ZNF385D: variants seen among roughly 807,000 people sequenced by gnomAD.
ZNF385D encodes the protein zinc finger protein 659.
In ZNF385D, 15 loss-of-function variants were observed where a neutral mutation model predicts 35.8. That is an observed-to-expected ratio of 0.42 (90% CI 0.28 to 0.64). The LOEUF (loss-of-function observed/expected upper bound fraction) is 0.64, where lower values mean the gene tolerates loss of function less well. Ranked by LOEUF, ZNF385D falls within the 30% of genes least tolerant of loss-of-function variation. ZNF385D has a pLI of 0.23. For missense variants in ZNF385D, 474 were observed against 494.6 expected, an observed-to-expected ratio of 0.96 and a Z score of 0.39; for synonymous variants, 212 against 186.8, an observed-to-expected ratio of 1.13 and a Z score of -1.10.
intron 2 of ZNF385D, among the ~76,000 whole-genome samples, chr3:22,288,299 G>C (rs964700329): frequency 2.0e-5 from 3 of 151,700 alleles, no homozygotes; most frequent in African/African-American, 4.8e-5. Flanking sequence ...TCTCAGTCTT[G>C]GCAAGTATTA....
At chr3:22,201,256 C>A (rs138512760) in intron 2 of ZNF385D, among the ~76,000 whole-genome samples, 1 of 152,084 alleles carries the variant, frequency 6.6e-6, no homozygotes, top group African/African-American at 2.4e-5. Flanking sequence ...TGGCTTCAGC[C>A]GGTCCCTTCA....
Position 21,437,327 on chromosome 3 carries a change from G to C in ZNF385D, c.440-124C>G, listed in dbSNP as rs1701606552. 3 of 873,308 alleles carry C rather than the reference G, an allele frequency of 3.4e-6. No individual in the cohort carries two copies. In the South Asian group the frequency reaches 6.3e-5, roughly 18 times the overall value. 54.1% of individuals were successfully genotyped at this position (873,308 alleles called of 1,614,324 possible). ...TAAGAGCAGCTAGCAATTGCTGTTT[G>C]TCAAGGATGCATCAATCACCTCACA... On this transcript the variant is annotated intron_variant, in intron 4 of 7. Transcript: ENST00000281523.
In ZNF385D at chr3:22,359,443, G is replaced by A. The variant is rs147178410; in HGVS notation, c.106+13007C>T. Among the ~76,000 whole-genome samples the A allele has an allele frequency of 4.6e-5, 7 of 151,910 alleles. No individual in the cohort carries two copies. The East Asian group carries it at 1.2e-3, about 25-fold the overall frequency. ...ATTTTCAGAGGCTCTACTACCTTGG[G>A]CATATTGATAGAACTTAGGACTGGT... On this transcript the variant is annotated intron_variant, in intron 2 of 5. Transcript: ENST00000494108.
intron 2 of ZNF385D, among the ~76,000 whole-genome samples, chr3:22,182,029 C>T (rs901502931): frequency 2.0e-5 from 3 of 152,084 alleles, no homozygotes; most frequent in Non-Finnish European, 4.4e-5. Flanking sequence ...CCCAGTTGAA[C>T]GATAGATGAA....
At chr3:22,175,331 G>C (rs560861342) in intron 2 of ZNF385D, among the ~76,000 whole-genome samples, 207 of 151,948 alleles carry the variant, frequency 1.4e-3, no homozygotes, top group African/African-American at 4.9e-3. Context: ...AAAGTAAAAA[G>C]AGAAAAATAC....
intron 3 of ZNF385D, among the ~76,000 whole-genome samples, chr3:21,976,171 T>A (rs906244478): frequency 6.6e-6 from 1 of 152,152 alleles, no homozygotes; most frequent in East Asian, 1.9e-4. Context: ...GATATACCTC[T>A]TCTTGGCCTG....
chr3:21,676,418 C>T (rs2066731798), intron 1 of ZNF385D, among the ~76,000 whole-genome samples: 1 of 152,032 alleles, frequency 6.6e-6, no homozygotes, highest in South Asian at 2.1e-4. Flanking sequence ...AATTCTGAAA[C>T]ATTTAGTCTT....
chr3:21,842,689 C>T (rs949876640), intron 3 of ZNF385D, among the ~76,000 whole-genome samples: 3 of 152,038 alleles, frequency 2.0e-5, no homozygotes, highest in African/African-American at 4.8e-5. Flanking sequence ...TTTCTTATTT[C>T]ATTCAGTGAT....
At chr3:21,699,188 G>A (rs1247675099) in intron 1 of ZNF385D, among the ~76,000 whole-genome samples, 2 of 152,174 alleles carry the variant, frequency 1.3e-5, no homozygotes, top group Non-Finnish European at 2.9e-5. Flanking sequence ...GTCCTTTGCA[G>A]GGACGTGGAT....
At chr3:22,312,564 CAAAT>C (rs1437412869) in intron 2 of ZNF385D, among the ~76,000 whole-genome samples, 5 of 151,872 alleles carry the variant, frequency 3.3e-5, no homozygotes, top group African/African-American at 1.2e-4. Context: ...AAGAAAAAAA[CAAAT>C]AACCCCATCA....
chr3:21,963,619 G>T (rs933377607), intron 3 of ZNF385D, among the ~76,000 whole-genome samples: 2 of 152,160 alleles, frequency 1.3e-5, no homozygotes, highest in African/African-American at 4.8e-5. Flanking sequence ...GCTGGTGGTT[G>T]ACAGTTTCTC....
chr3:21,436,563 G>T (rs1391007380), intron 5 of ZNF385D, among the ~76,000 whole-genome samples: 1 of 151,868 alleles, frequency 6.6e-6, no homozygotes, highest in African/African-American at 2.4e-5. Flanking sequence ...AAAATAGAGG[G>T]GTTTTAACCA....
At chr3:22,133,880 G>A (rs1233929451) in intron 3 of ZNF385D, 1 of 151,790 alleles carries the variant, frequency 6.6e-6, no homozygotes, top group East Asian at 1.9e-4. Context: ...CTAAGTGAAG[G>A]GATAATTGTG....
In ZNF385D at chr3:21,479,717, G is replaced by A. The variant is rs141323577; in HGVS notation, c.439+31144C>T. Among the ~76,000 whole-genome samples the A allele has an allele frequency of 3.7e-3, 567 of 152,074 alleles. 2 individuals are homozygous for A. Among genetic ancestry groups the A allele is most frequent in the Middle Eastern group, 0.01 (3 of 294 alleles). ...AATGAAAGGCTACTTTGCAATTATC[G>A]CTAATTCTACATTTACCTGCCTCTA... On this transcript the variant is annotated intron_variant, in intron 4 of 7. Transcript: ENST00000281523.
intron 3 of ZNF385D, among the ~76,000 whole-genome samples, chr3:22,068,657 A>G (rs2125557719): frequency 6.6e-6 from 1 of 152,242 alleles, no homozygotes; most frequent in East Asian, 1.9e-4. Flanking sequence ...CTTCTTTTCC[A>G]CATTTCCTCT....
At chr3:21,972,606 A>T (rs183220860) in intron 3 of ZNF385D, among the ~76,000 whole-genome samples, 53 of 152,058 alleles carry the variant, frequency 3.5e-4, no homozygotes, top group Non-Finnish European at 7.1e-4. Context: ...ATGAAATTGA[A>T]AGGTTAAAAC....
chr3:22,362,748 T>C (rs887040339), intron 2 of ZNF385D, among the ~76,000 whole-genome samples: 40 of 152,214 alleles, frequency 2.6e-4, no homozygotes, highest in African/African-American at 8.9e-4. Context: ...AAGGGAACAC[T>C]CCTAGATGAC....
At chr3:22,173,475 T>C (rs1354909231) in intron 2 of ZNF385D, among the ~76,000 whole-genome samples, 4 of 152,182 alleles carry the variant, frequency 2.6e-5, no homozygotes, top group Non-Finnish European at 5.9e-5. Flanking sequence ...GTAAAAGTTT[T>C]ATTTAATATT....
At chr3:21,991,576 A>C (rs1247102508) in intron 3 of ZNF385D, among the ~76,000 whole-genome samples, 1 of 152,210 alleles carries the variant, frequency 6.6e-6, no homozygotes, top group African/African-American at 2.4e-5. Flanking sequence ...ATGGTGGGCA[A>C]AATGTTCCAC....
Sources: allele counts gnomAD v4.1 joint callset (sites outside exome capture counted in the v4.1 genomes callset), GRCh38; gene constraint gnomAD v4.1.1; transcripts MANE v1.5; gene names NCBI Gene and HGNC (gene_info 2026-07-23, HGNC 2026-07-21).